The following APBA1 variants were observed in gnomAD, a reference collection of about 807,000 sequenced individuals.
APBA1 encodes amyloid-beta A4 precursor protein-binding family A member 1.
In APBA1, 55 loss-of-function variants were observed where a neutral mutation model predicts 86.6. The ratio of observed to expected loss-of-function variants is 0.64; its 90% CI spans 0.51 to 0.80. APBA1 has a LOEUF of 0.80. Ranked by LOEUF, APBA1 falls within the 30% of genes least tolerant of loss-of-function variation. The probability of loss-of-function intolerance (pLI) is 0.00; values close to 1 mark genes in which losing one functional copy is unlikely to be tolerated. For missense variants in APBA1, 1,090 were observed against 1,183.0 expected (o/e 0.92, Z 1.15); for synonymous variants, 511 against 493.9 (o/e 1.03, Z -0.46).
intron 2 of APBA1, among the ~76,000 whole-genome samples, chr9:69,514,186 C>T (rs554443622): frequency 2.0e-5 from 3 of 152,222 alleles, no homozygotes; most frequent in Admixed American, 2.0e-4. Context: ...CAATGAAACA[C>T]AATTTGCTTT....
At chr9:69,451,871 C>T (rs1012953143) in intron 9 of APBA1, among the ~76,000 whole-genome samples, 12 of 152,184 alleles carry the variant, frequency 7.9e-5, no homozygotes, top group Non-Finnish European at 1.6e-4. Context: ...CTGGGACCCA[C>T]CCAAAACTTA....
intron 1 of APBA1, among the ~76,000 whole-genome samples, chr9:69,522,928 C>T (rs756928107): frequency 1.3e-5 from 2 of 152,168 alleles, no homozygotes; most frequent in Non-Finnish European, 2.9e-5. Flanking sequence ...ATAGTCCCCT[C>T]CTCAGGGACA....
chr9:69,488,337 T>A (rs1340289843), intron 2 of APBA1, among the ~76,000 whole-genome samples: 2 of 152,016 alleles, frequency 1.3e-5, no homozygotes, highest in Non-Finnish European at 2.9e-5. Flanking sequence ...GAAAAAAAAA[T>A]ATAACTAAGA....
chr9:69,490,196 C>A (rs965155928), intron 2 of APBA1, among the ~76,000 whole-genome samples: 9 of 151,908 alleles, frequency 5.9e-5, no homozygotes, highest in African/African-American at 2.2e-4. Context: ...AAACTGGAAA[C>A]CATCATTCTC....
chr9:69,521,169 A>G (rs1836245495), intron 1 of APBA1, among the ~76,000 whole-genome samples: 1 of 152,170 alleles, frequency 6.6e-6, no homozygotes, highest in Admixed American at 6.5e-5. Context: ...CACATCTGGT[A>G]AGGGAGGCCC....
At chr9:69,487,229 C>T (rs1030131288) in intron 2 of APBA1, among the ~76,000 whole-genome samples, 17 of 151,976 alleles carry the variant, frequency 1.1e-4, no homozygotes, top group Middle Eastern at 3.2e-3. Flanking sequence ...AAATTCTAGT[C>T]AAGAGACACA....
chr9:69,570,961 G>A (rs933753565), intron 1 of APBA1, among the ~76,000 whole-genome samples: 5 of 152,066 alleles, frequency 3.3e-5, no homozygotes, highest in African/African-American at 1.2e-4. Flanking sequence ...AGTCTATTCC[G>A]GTTTTTATCA....
intron 1 of APBA1, among the ~76,000 whole-genome samples, chr9:69,532,261 T>C (rs1158392213): frequency 2.6e-5 from 4 of 152,234 alleles, no homozygotes; most frequent in African/African-American, 7.2e-5. Flanking sequence ...AAACTGTATA[T>C]GTATACATTC....
At chr9:69,525,804 A>G (rs1836333248) in intron 1 of APBA1, among the ~76,000 whole-genome samples, 1 of 152,124 alleles carries the variant, frequency 6.6e-6, no homozygotes, top group Non-Finnish European at 1.5e-5. Context: ...TCACATTACC[A>G]GACTTCAAAC....
intron 1 of APBA1, among the ~76,000 whole-genome samples, chr9:69,595,455 T>G (rs1046650965): frequency 6.6e-6 from 1 of 152,192 alleles, no homozygotes; most frequent in African/African-American, 2.4e-5. Flanking sequence ...CTGCTCTCCA[T>G]GGCTTCGGAC....
At chr9:69,578,169 C>G (rs937667175) in intron 1 of APBA1, among the ~76,000 whole-genome samples, 1 of 152,226 alleles carries the variant, frequency 6.6e-6, no homozygotes, top group Non-Finnish European at 1.5e-5. Flanking sequence ...CAAGGGAGCC[C>G]TTGGCAAAGC....
intron 2 of APBA1, among the ~76,000 whole-genome samples, chr9:69,493,364 G>A (rs1835743843): frequency 6.6e-6 from 1 of 151,866 alleles, no homozygotes; most frequent in African/African-American, 2.4e-5. Context: ...CAGCGTCTTT[G>A]TTTATGCTCC....
At position 69,516,353 on chromosome 9, in the gene APBA1, G is replaced by A. The variant is rs1423850411; in HGVS notation, c.858C>T (p.Leu286=). The change falls in exon 2 of 13, where the codon CTC becomes CTT. Residue 286 remains leucine (L), a synonymous_variant. Transcript: ENST00000265381. The surrounding 1 kb of genome is among the most constrained non-coding windows in gnomAD (Gnocchi z 7.3). ...EVKQSMSSQS[L]DKAAEDMPEA... is the part of the protein sequence containing the mutation. The stretch of plus-strand genomic sequence containing the variant: ...CAGGCATGTCCTCGGCTGCCTTGTC[G>A]AGGCTCTGCGAGCTCATGCTCTGCT... 1.1e-5 allele frequency: 18 copies of A among 1,598,530 alleles called. No homozygotes were observed. The highest frequency in any genetic ancestry group is 1.4e-5 in the Non-Finnish European group (16 of 1,177,794).
intron 1 of APBA1, among the ~76,000 whole-genome samples, chr9:69,668,022 C>T (rs570775488): frequency 6.6e-6 from 1 of 152,280 alleles, no homozygotes; most frequent in Admixed American, 6.5e-5. Flanking sequence ...TCATTTTTCT[C>T]CAATTGCCCC....
chr9:69,668,986 A>G (rs139578548), intron 1 of APBA1, among the ~76,000 whole-genome samples: 513 of 152,162 alleles, frequency 3.4e-3, no homozygotes, highest in Non-Finnish European at 5.8e-3. Context: ...ATTTTTCACT[A>G]TTTTTACAGT....
chr9:69,461,875 A>T (rs563663509), intron 5 of APBA1: 2 of 152,350 alleles, frequency 1.3e-5, no homozygotes, highest in East Asian at 3.9e-4. Flanking sequence ...TGAGATTGAG[A>T]TAATGCATGT....
rs147857420 is a variant in APBA1 at position 69,445,946 on chromosome 9, T to G, written c.2181+3638A>C. Among the ~76,000 whole-genome samples, 484 of 152,270 alleles carry G rather than the reference T, an allele frequency of 3.2e-3. 3 individuals carry two copies. Among genetic ancestry groups the G allele is most frequent in the African/African-American group, 0.01 (436 of 41,554 alleles). On this transcript the variant is annotated intron_variant, in intron 10 of 12. Coordinates refer to ENST00000265381, the MANE Select transcript of APBA1 (RefSeq NM_001163.4). The stretch of plus-strand genomic sequence containing the variant: ...CTATACCTGCTGAATCAGACCTGCA[T>G]TCTAACAAGATCCCCAGGTGATTCC...
chr9:69,585,894 C>T (rs1822009369), intron 1 of APBA1, among the ~76,000 whole-genome samples: 1 of 152,160 alleles, frequency 6.6e-6, no homozygotes, highest in Non-Finnish European at 1.5e-5. Context: ...TCCAGCCTCT[C>T]ATATGGCCCT....
intron 1 of APBA1, among the ~76,000 whole-genome samples, chr9:69,542,389 C>T (rs759239540): frequency 5.9e-5 from 9 of 152,198 alleles, no homozygotes; most frequent in Non-Finnish European, 1.3e-4. Context: ...AGTTTCACTG[C>T]CCTGGTTTCT....
Sources: gnomAD v4.1 joint callset for allele counts (sites outside exome capture counted in the v4.1 genomes callset) on GRCh38, gnomAD v4.1.1 for gene constraint, Gnocchi (gnomAD v3.1) non-coding constraint, MANE v1.5 for transcripts, NCBI Gene and HGNC (gene_info 2026-07-23, HGNC 2026-07-21) for gene names.